MRPL48: variants seen among roughly 807,000 people sequenced by gnomAD.
MRPL48 encodes the protein mitochondrial ribosomal protein L48.
Under a neutral mutation model 32.9 loss-of-function variants are expected in MRPL48, and 16 were observed. The ratio of observed to expected loss-of-function variants is 0.49; its 90% CI spans 0.33 to 0.74. The LOEUF (loss-of-function observed/expected upper bound fraction) is 0.74. MRPL48 is among the 30% of genes least tolerant of loss of function. The pLI is 0.02. For missense variants in MRPL48, 206 were observed against 245.3 expected (o/e 0.84, Z 1.07); for synonymous variants, 94 against 89.2 (o/e 1.05, Z -0.31).
chr11:73,832,099 G>A (rs1948007899), intron 4 of MRPL48, among the ~76,000 whole-genome samples: 1 of 152,134 alleles, frequency 6.6e-6, no homozygotes. Context: ...AAATTGCCAA[G>A]AGAAAGATGT....
chr11:73,829,360 C>T (rs1565098918), intron 4 of MRPL48, among the ~76,000 whole-genome samples: 1 of 147,200 alleles, frequency 6.8e-6, no homozygotes, highest in Non-Finnish European at 1.5e-5. Flanking sequence ...TTCTTTCTTT[C>T]TTTTTTTTTT....
Position 73,863,231 on chromosome 11 carries a change from T to C in MRPL48, c.534T>C (p.Leu178=), listed in dbSNP as rs752018643. 2.5e-6 allele frequency: 4 copies of C among 1,574,024 alleles called. No homozygotes were observed. Among genetic ancestry groups the C allele is most frequent in the Admixed American group, 1.9e-5 (1 of 53,650 alleles). ...TCTTGGAAATAATCCAAAGCAGTCT[T>C]CCTGAAGGAGTCAGACTGTCAGTGA... ...EIFLEIIQSS[L]PEGVRLSVKE... is the part of the protein sequence containing the mutation. The change falls in exon 7 of 8, where the codon CTT becomes CTC. Residue 178 remains leucine, a synonymous_variant. Coordinates refer to ENST00000310614, the MANE Select transcript of MRPL48 (RefSeq NM_016055.6).
At chr11:73,822,817 A>G (rs1197359801) in intron 3 of MRPL48, among the ~76,000 whole-genome samples, 1 of 152,180 alleles carries the variant, frequency 6.6e-6, no homozygotes, top group African/African-American at 2.4e-5. Context: ...ATCTGTATTT[A>G]CAGCCCCTCC....
chr11:73,811,966 A>G (rs1947574653), intron 3 of MRPL48, among the ~76,000 whole-genome samples: 2 of 152,060 alleles, frequency 1.3e-5, no homozygotes, highest in Non-Finnish European at 2.9e-5. Flanking sequence ...GCTCACTGCA[A>G]GCTCCACCAC....
chr11:73,792,748 C>T, intron 1 of MRPL48, among the ~76,000 whole-genome samples: 1 of 152,162 alleles, frequency 6.6e-6, no homozygotes, highest in Non-Finnish European at 1.5e-5. Context: ...TTATCTTCAG[C>T]ACCTGTCACA....
At chr11:73,859,185 C>G (rs573523771) in intron 5 of MRPL48, among the ~76,000 whole-genome samples, 10 of 152,306 alleles carry the variant, frequency 6.6e-5, no homozygotes, top group African/African-American at 2.4e-4. Flanking sequence ...AGTTAATTTT[C>G]ATGCCTTATT....
intron 5 of MRPL48, among the ~76,000 whole-genome samples, chr11:73,857,704 C>T (rs917949751): frequency 2.7e-5 from 4 of 149,178 alleles, no homozygotes; most frequent in Non-Finnish European, 4.4e-5. Context: ...AAGTGGTTCT[C>T]CTGCCTCAGC....
In MRPL48 at chr11:73,853,680, CTT is replaced by C. The variant is rs58486952; in HGVS notation, c.372-6200_372-6199del. 8.5e-3 allele frequency among the ~76,000 whole-genome samples: 672 copies of C among 79,046 alleles called. 23 individuals carry two copies. Among genetic ancestry groups the C allele is most frequent in the Admixed American group, 0.035 (229 of 6,552 alleles). The allele number at this position is 79,046 out of a possible 152,430, so 51.9% of individuals were successfully genotyped here. On this transcript the variant is annotated intron_variant, in intron 5 of 7. Coordinates refer to ENST00000310614, the MANE Select transcript of MRPL48 (RefSeq NM_016055.6). ...AGCTGGCGGGAATTAGAGATAGCTT[CTT>C]TTTTTTTTTTTTTTTTTTTTTTTTT...
At chr11:73,834,218 A>G (rs1486562932) in intron 4 of MRPL48, among the ~76,000 whole-genome samples, 4 of 152,228 alleles carry the variant, frequency 2.6e-5, no homozygotes, top group African/African-American at 4.8e-5. Flanking sequence ...TTAATGAGAC[A>G]TAGTACCTTC....
intron 1 of MRPL48, among the ~76,000 whole-genome samples, chr11:73,794,234 T>C (rs890310142): frequency 1.7e-5 from 2 of 119,660 alleles, no homozygotes; most frequent in Non-Finnish European, 3.8e-5. Context: ...CTATCTAAAC[T>C]ATCTGTCTCT....
chr11:73,846,789 A>G (rs546620424), intron 5 of MRPL48, among the ~76,000 whole-genome samples: 1 of 151,402 alleles, frequency 6.6e-6, no homozygotes, highest in East Asian at 1.9e-4. Context: ...TGCAGCCTCA[A>G]CCTCCTAGGC....
chr11:73,815,916 G>C (rs1947660058), intron 3 of MRPL48, among the ~76,000 whole-genome samples: 1 of 151,092 alleles, frequency 6.6e-6, no homozygotes, highest in East Asian at 1.9e-4. Flanking sequence ...TATAGAGACA[G>C]GGTCTCCCTA....
At chr11:73,857,846 A>G (rs1335827221) in intron 5 of MRPL48, among the ~76,000 whole-genome samples, 2 of 150,802 alleles carry the variant, frequency 1.3e-5, no homozygotes, top group Admixed American at 1.3e-4. Context: ...ACCTGCCTCA[A>G]CCTCCCAAAG....
At chr11:73,800,103 G>A (rs1947329898) in intron 1 of MRPL48, among the ~76,000 whole-genome samples, 1 of 152,006 alleles carries the variant, frequency 6.6e-6, no homozygotes, top group African/African-American at 2.4e-5. Context: ...GAGGGTTGCT[G>A]TAACAATTAA....
intron 2 of MRPL48, among the ~76,000 whole-genome samples, chr11:73,805,290 G>C (rs1947428404): frequency 7.8e-6 from 1 of 128,676 alleles, no homozygotes; most frequent in East Asian, 2.1e-4. Flanking sequence ...CTTTGATGCT[G>C]TTCTTTTTTT....
intron 3 of MRPL48, among the ~76,000 whole-genome samples, chr11:73,811,648 C>T (rs1947569491): frequency 2.0e-5 from 3 of 152,072 alleles, no homozygotes; most frequent in Admixed American, 2.0e-4. Flanking sequence ...GGTCTTATCC[C>T]TTATCCTTCT....
chr11:73,839,636 T>C (rs141079637), intron 4 of MRPL48, among the ~76,000 whole-genome samples: 1 of 152,126 alleles, frequency 6.6e-6, no homozygotes, highest in Non-Finnish European at 1.5e-5. Context: ...GACTTAAAGA[T>C]GGATTGTAGA....
chr11:73,812,176 G>A (rs921176991), intron 3 of MRPL48, among the ~76,000 whole-genome samples: 2 of 152,070 alleles, frequency 1.3e-5, no homozygotes, highest in East Asian at 1.9e-4. Context: ...GTGAGCCACC[G>A]CGCCCGGCCC....
Position 73,811,810 on chromosome 11 carries a change from T to A in MRPL48, c.112+3460T>A, listed in dbSNP as rs545923335. ...TTAAAATTATCACCTGTTAAAAAAT[T>A]GAAATGGATGCATATGGGAAGAATA... is the stretch of plus-strand genomic sequence containing the variant. On this transcript the variant is annotated intron_variant, in intron 3 of 7. Coordinates refer to ENST00000310614, the MANE Select transcript of MRPL48 (RefSeq NM_016055.6). Among the ~76,000 whole-genome samples the A allele has an allele frequency of 7.2e-5, 11 of 152,246 alleles. No homozygotes were observed. The South Asian group carries it at 2.1e-3, about 29-fold the overall frequency.
Sources: allele counts gnomAD v4.1 joint callset (sites outside exome capture counted in the v4.1 genomes callset), GRCh38; gene constraint gnomAD v4.1.1; transcripts MANE v1.5; gene names NCBI Gene and HGNC (gene_info 2026-07-23, HGNC 2026-07-21).